The following PRSS12 variants were observed in gnomAD, a reference collection of about 807,000 sequenced individuals.
PRSS12 encodes neurotrypsin.
Under a neutral mutation model 104.4 loss-of-function variants are expected in PRSS12, and 85 were observed. That is an observed-to-expected ratio of 0.81 (90% CI 0.68 to 0.98). The LOEUF is 0.98. Ranked by LOEUF, PRSS12 falls within the 50% of genes least tolerant of loss-of-function variation. PRSS12 has a pLI of 0.00. For synonymous variants in PRSS12, 454 were observed against 425.2 expected, an observed-to-expected ratio of 1.07 and a Z score of -0.83; for missense variants, 1,141 against 1,139.2, an observed-to-expected ratio of 1.00 and a Z score of -0.02.
chr4:118,313,319 T>C lies in PRSS12; in HGVS notation c.1371A>G (p.Gly457=). 3 of 1,614,120 alleles carry C rather than the reference T, an allele frequency of 1.9e-6. No individual in the cohort carries two copies. Among genetic ancestry groups the C allele is most frequent in the Non-Finnish European group, 2.5e-6 (3 of 1,180,002 alleles). The part of the protein sequence containing the change: ...PIWLDDVSCS[G]KETRFLQCSR... Reference sequence around the variant, plus strand: ...AACACTGAAGAAATCTGGTTTCCTTTCCTGAGCAGCTGACGTCATCCAACC... The same window carrying C: ...AACACTGAAGAAATCTGGTTTCCTTCCCTGAGCAGCTGACGTCATCCAACC... The change falls in exon 7 of 13, where the codon GGA becomes GGG. Residue 457 remains glycine, a synonymous_variant. Transcript: ENST00000296498.
intron 1 of PRSS12, among the ~76,000 whole-genome samples, chr4:118,338,724 T>A (rs747085175): frequency 6.6e-6 from 1 of 152,180 alleles, no homozygotes; most frequent in Non-Finnish European, 1.5e-5. Flanking sequence ...ATTACCTTCC[T>A]CTTCTCATGA....
chr4:118,347,432 G>C (rs999368542), intron 1 of PRSS12, among the ~76,000 whole-genome samples: 3 of 152,094 alleles, frequency 2.0e-5, no homozygotes, highest in African/African-American at 7.2e-5. Flanking sequence ...CATGAACAGA[G>C]GAGCATGACA....
intron 4 of PRSS12, among the ~76,000 whole-genome samples, chr4:118,326,548 T>C (rs183844603): frequency 9.8e-5 from 15 of 152,352 alleles, no homozygotes; most frequent in African/African-American, 3.6e-4. Flanking sequence ...ACGCTGTCAA[T>C]TGATGGCTGA....
intron 2 of PRSS12, 119 bp downstream of exon 2, chr4:118,338,056 GT>G: frequency 7.6e-7 from 1 of 1,316,900 alleles, no homozygotes; most frequent in Non-Finnish European, 1.1e-6. Flanking sequence ...TTTGTGAAAA[GT>G]GAGAATGAGG....
At chr4:118,302,332 T>A (rs958181803) in intron 8 of PRSS12, among the ~76,000 whole-genome samples, 23 of 152,234 alleles carry the variant, frequency 1.5e-4, no homozygotes, top group African/African-American at 5.3e-4. Flanking sequence ...TTCTTTTTTG[T>A]GTGTTTACTT....
intron 11 of PRSS12, among the ~76,000 whole-genome samples, chr4:118,290,049 G>A (rs1379596558): frequency 6.6e-6 from 1 of 152,106 alleles, no homozygotes; most frequent in East Asian, 1.9e-4. Context: ...TGGCAACTGA[G>A]CCACCACTTT....
chr4:118,309,226 A>T (rs1743641194), intron 7 of PRSS12, among the ~76,000 whole-genome samples: 1 of 152,326 alleles, frequency 6.6e-6, no homozygotes, highest in Middle Eastern at 3.4e-3. Context: ...GCAAATTAAG[A>T]TTTATCTAAG....
chr4:118,333,271 T>A (rs904070130), intron 3 of PRSS12, among the ~76,000 whole-genome samples: 2 of 152,358 alleles, frequency 1.3e-5, no homozygotes, highest in African/African-American at 4.8e-5. Flanking sequence ...CTAGTTGTAC[T>A]TTTTGCCAAA....
At chr4:118,310,196 C>A (rs181917343) in intron 7 of PRSS12, among the ~76,000 whole-genome samples, 4 of 152,224 alleles carry the variant, frequency 2.6e-5, no homozygotes, top group Admixed American at 1.3e-4. Context: ...TCCTCAGATA[C>A]CAAAATCAAA....
At chr4:118,290,747 T>C (rs1003342611) in intron 11 of PRSS12, among the ~76,000 whole-genome samples, 4 of 152,144 alleles carry the variant, frequency 2.6e-5, no homozygotes, top group Non-Finnish European at 4.4e-5. Context: ...AGAGCTAGAA[T>C]TGTAAACCTG....
At chr4:118,350,812 T>C (rs753371275) in intron 1 of PRSS12, among the ~76,000 whole-genome samples, 3 of 152,248 alleles carry the variant, frequency 2.0e-5, no homozygotes, top group Non-Finnish European at 4.4e-5. Flanking sequence ...TCTGTGCTTA[T>C]GTACTTAAAG....
At position 118,339,654 on chromosome 4, in the gene PRSS12, C is replaced by T. The variant is rs185944001; in HGVS notation, c.503-1340G>A. ...CATTCATATGACAAATCATCTAAAA[C>T]TCATTCATATATTCTAAACTTCTTT... On this transcript the variant is annotated intron_variant, in intron 1 of 12. Transcript: ENST00000296498. 3.4e-4 allele frequency among the ~76,000 whole-genome samples: 52 copies of T among 152,302 alleles called. No homozygotes were observed. The East Asian group carries it at 9.6e-3, about 28-fold the overall frequency.
chr4:118,291,162 T>C (rs2126027198), intron 11 of PRSS12, among the ~76,000 whole-genome samples: 2 of 152,248 alleles, frequency 1.3e-5, no homozygotes, highest in East Asian at 3.9e-4. Flanking sequence ...CTCAAAACTT[T>C]AGTGGTTTCC....
At chr4:118,311,113 G>A (rs1422487848) in intron 7 of PRSS12, among the ~76,000 whole-genome samples, 1 of 151,884 alleles carries the variant, frequency 6.6e-6, no homozygotes, top group Non-Finnish European at 1.5e-5. Flanking sequence ...TTGAGTAAGA[G>A]GCAACAACCT....
chr4:118,322,304 C>CT (rs1227943814), intron 4 of PRSS12, among the ~76,000 whole-genome samples: 1 of 152,128 alleles, frequency 6.6e-6, no homozygotes, highest in Non-Finnish European at 1.5e-5. Flanking sequence ...AATCCCCACA[C>CT]TTTGGGAGGC....
In PRSS12 at chr4:118,281,896, T is replaced by C; in HGVS notation, c.*40A>G. ...TGCTAATAGTGGGGGTTCAAAGTTTTCCATTTGTTTAAATGCTGCTTTGAA... is the reference window on the plus strand; with the variant it reads ...TGCTAATAGTGGGGGTTCAAAGTTTCCCATTTGTTTAAATGCTGCTTTGAA... On this transcript the variant is annotated 3_prime_UTR_variant, in exon 13 of 13. Coordinates refer to ENST00000296498, the MANE Select transcript of PRSS12 (RefSeq NM_003619.4). The C allele has an allele frequency of 1.1e-6, 1 of 927,672 alleles. No homozygotes were observed. The allele number at this position is 927,672 out of a possible 1,614,324, so 57.5% of individuals were successfully genotyped here. A position where few individuals can be genotyped will look rare whatever the true frequency, so the allele number is the denominator to read the frequency against.
rs545032401 is a variant in PRSS12 at position 118,303,483 on chromosome 4, T to C, written c.1632-4545A>G. Reference sequence around the variant, plus strand: ...CAGCACATGATTAAATTCTCATTGATATAGTGAAATCTAATACATTTTCTT... The same window carrying C: ...CAGCACATGATTAAATTCTCATTGACATAGTGAAATCTAATACATTTTCTT... On this transcript the variant is annotated intron_variant, in intron 8 of 12. Coordinates refer to ENST00000296498, the MANE Select transcript of PRSS12 (RefSeq NM_003619.4). The C allele has an allele frequency of 1.1e-4, 17 of 152,294 alleles. No homozygotes were observed. The South Asian group carries it at 3.5e-3, about 32-fold the overall frequency. The allele number at this position is 152,294 out of a possible 1,614,324, so 9.4% of individuals were successfully genotyped here. A position where few individuals can be genotyped will look rare whatever the true frequency, so the allele number is the denominator to read the frequency against.
chr4:118,330,974 C>T (rs1723903203), intron 4 of PRSS12, among the ~76,000 whole-genome samples: 1 of 152,058 alleles, frequency 6.6e-6, no homozygotes, highest in Non-Finnish European at 1.5e-5. Context: ...CCATCATTGG[C>T]CCCCTCAGTG....
At chr4:118,314,786 AG>A (rs1194269132) in intron 6 of PRSS12, among the ~76,000 whole-genome samples, 9 of 152,086 alleles carry the variant, frequency 5.9e-5, no homozygotes, top group Non-Finnish European at 2.9e-5. Context: ...TAAAATATGA[AG>A]AAAAAAATCA....
Sources: allele counts gnomAD v4.1 joint callset (sites outside exome capture counted in the v4.1 genomes callset), GRCh38; gene constraint gnomAD v4.1.1; transcripts MANE v1.5; gene names NCBI Gene and HGNC (gene_info 2026-07-23, HGNC 2026-07-21).